Variants in BLOC1S5 observed in about 807,000 individuals in gnomAD.
BLOC1S5 encodes the protein biogenesis of lysosome-related organelles complex 1 subunit 5.
BLOC1S5 carries 27 observed loss-of-function variants against 24.3 expected under a neutral mutation model. The observed-to-expected ratio is 1.11, with a 90% confidence interval of 0.82 to 1.53. BLOC1S5 has a LOEUF of 1.53. BLOC1S5 is among the 40% of genes most tolerant of loss of function. The pLI, the probability that BLOC1S5 is intolerant of heterozygous loss-of-function variation, is 0.00. For missense variants in BLOC1S5, 239 were observed against 229.4 expected (o/e 1.04, Z -0.27); for synonymous variants, 84 against 74.5 (o/e 1.13, Z -0.66).
chr6:8,043,109 C>T (rs930719274), intron 2 of BLOC1S5, among the ~76,000 whole-genome samples: 4 of 152,180 alleles, frequency 2.6e-5, no homozygotes, highest in Non-Finnish European at 5.9e-5. Context: ...CCTGTGAGTT[C>T]TTCTAGTGAA....
intron 3 of BLOC1S5, among the ~76,000 whole-genome samples, chr6:8,032,566 C>G (rs1398724007): frequency 6.6e-6 from 1 of 152,128 alleles, no homozygotes; most frequent in East Asian, 1.9e-4. Context: ...AAAACGGGCA[C>G]AAGACAAGGA....
At chr6:8,047,996 G>A (rs890075994) in intron 2 of BLOC1S5, among the ~76,000 whole-genome samples, 3 of 152,136 alleles carry the variant, frequency 2.0e-5, no homozygotes, top group African/African-American at 4.8e-5. Flanking sequence ...TAATGAGTTG[G>A]CTCCCTAGTA....
At chr6:8,029,905 A>C (rs1581404039) in intron 3 of BLOC1S5, among the ~76,000 whole-genome samples, 1 of 152,344 alleles carries the variant, frequency 6.6e-6, no homozygotes, top group Non-Finnish European at 1.5e-5. Flanking sequence ...AAACAGAAAC[A>C]AGACAGAGGA....
chr6:8,024,690 T>C (rs1452324833), intron 4 of BLOC1S5, among the ~76,000 whole-genome samples: 1 of 152,108 alleles, frequency 6.6e-6, no homozygotes, highest in Non-Finnish European at 1.5e-5. Flanking sequence ...AGCAGGGATC[T>C]TACCCACACG....
At chr6:8,025,746 A>T (rs966193021) in intron 4 of BLOC1S5, among the ~76,000 whole-genome samples, 7 of 152,182 alleles carry the variant, frequency 4.6e-5, no homozygotes, top group African/African-American at 1.4e-4. Flanking sequence ...TCAGTGACTT[A>T]GTCTTTTCAA....
intron 3 of BLOC1S5, among the ~76,000 whole-genome samples, chr6:8,033,087 A>G (rs575487489): frequency 1.8e-3 from 275 of 152,334 alleles, no homozygotes; most frequent in African/African-American, 5.6e-3. Flanking sequence ...TATCACCATT[A>G]AGCTACCAAT....
chr6:8,045,127 G>A (rs1209432428), intron 2 of BLOC1S5, among the ~76,000 whole-genome samples: 1 of 152,214 alleles, frequency 6.6e-6, no homozygotes, highest in Admixed American at 6.5e-5. Flanking sequence ...TGGCCTCCAT[G>A]CTGTGTGCAG....
At chr6:8,044,623 G>A (rs1763813253) in intron 2 of BLOC1S5, among the ~76,000 whole-genome samples, 3 of 152,170 alleles carry the variant, frequency 2.0e-5, no homozygotes, top group Admixed American at 6.5e-5. Context: ...AAATGCTGAT[G>A]GTGATATGAA....
intron 4 of BLOC1S5, among the ~76,000 whole-genome samples, chr6:8,020,843 T>C (rs2113515092): frequency 6.6e-6 from 1 of 152,288 alleles, no homozygotes; most frequent in Admixed American, 6.5e-5. Context: ...TTAAAGAAGA[T>C]GAAAACCTTG....
At chr6:8,057,665 A>C (rs1462231357) in intron 2 of BLOC1S5, among the ~76,000 whole-genome samples, 3 of 152,252 alleles carry the variant, frequency 2.0e-5, no homozygotes, top group Non-Finnish European at 4.4e-5. Flanking sequence ...TCTAACCAAA[A>C]ACAAGGAATC....
chr6:8,034,294 C>A (rs1267913233), intron 3 of BLOC1S5, among the ~76,000 whole-genome samples: 2 of 152,182 alleles, frequency 1.3e-5, no homozygotes, highest in African/African-American at 4.8e-5. Flanking sequence ...GAATACTATG[C>A]AGCCATAAAA....
intron 3 of BLOC1S5, among the ~76,000 whole-genome samples, chr6:8,040,047 G>A (rs1763625153): frequency 6.6e-6 from 1 of 152,132 alleles, no homozygotes; most frequent in South Asian, 2.1e-4. Context: ...GTTGTAGGAG[G>A]CAATCCAAGA....
At position 8,022,579 on chromosome 6, in the gene BLOC1S5, C is replaced by CTTTTTTTT. The variant is rs756972606; in HGVS notation, c.384+3780_384+3787dup. ...TATTTTCAAACTCTATTTTTTTTTT[C>CTTTTTTTT]TTTTTTTTTTTTCTTTTTTTTTTGA... is the stretch of plus-strand genomic sequence containing the variant. On this transcript the variant is annotated intron_variant, in intron 4 of 4. Transcript: ENST00000397457. Among the ~76,000 whole-genome samples, 151 of 74,274 alleles carry CTTTTTTTT rather than the reference C, an allele frequency of 2.0e-3. 20 individuals are homozygous for CTTTTTTTT. Among genetic ancestry groups the CTTTTTTTT allele is most frequent in the East Asian group, 6.2e-3 (14 of 2,274 alleles). 48.7% of individuals were successfully genotyped at this position (74,274 alleles called of 152,430 possible).
At position 8,064,288 on chromosome 6, in the gene BLOC1S5, C is replaced by T. The variant is rs754557229; in HGVS notation, c.89G>A (p.Gly30Asp). The stretch of plus-strand genomic sequence containing the variant: ...ACCCTTGATAATGAGGTGCGCTGAG[C>T]CCGCAGTCCCCAGGGAGTCCCTCTT... ...SKKRDSLGTA[G>D]SAHLIIKDLG... Residue 30 changes from glycine (G) to aspartate (D), a missense_variant, in exon 1 of 5, where the codon GGC (glycine) becomes GAC (aspartate). Physicochemically the swap from Gly to Asp is moderately conservative, Grantham distance 94 (BLOSUM62 -1). Coordinates refer to ENST00000397457, the MANE Select transcript of BLOC1S5 (RefSeq NM_201280.3). The T allele has an allele frequency of 6.8e-6, 11 of 1,613,752 alleles. No individual in the cohort carries two copies. Among genetic ancestry groups the T allele is most frequent in the East Asian group, 2.2e-5 (1 of 44,858 alleles).
At chr6:8,051,969 CTTTT>C (rs770301308) in intron 2 of BLOC1S5, among the ~76,000 whole-genome samples, 2 of 110,010 alleles carry the variant, frequency 1.8e-5, no homozygotes, top group Non-Finnish European at 3.6e-5. Context: ...ACATCCATGC[CTTTT>C]TTTTTTTTTT....
chr6:8,027,376 T>C (rs1331297610), intron 3 of BLOC1S5: 6 of 456,604 alleles, frequency 1.3e-5, no homozygotes, highest in Non-Finnish European at 2.6e-5. Context: ...GGTCCTCCTA[T>C]CTCTCAGCAA....
At chr6:8,033,934 A>T (rs934140493) in intron 3 of BLOC1S5, among the ~76,000 whole-genome samples, 1 of 152,214 alleles carries the variant, frequency 6.6e-6, no homozygotes, top group Non-Finnish European at 1.5e-5. Context: ...ATGAGATGCC[A>T]TCTCACACCA....
chr6:8,016,782 G>A (rs1762752006), intron 4 of BLOC1S5, among the ~76,000 whole-genome samples: 2 of 151,378 alleles, frequency 1.3e-5, no homozygotes, highest in South Asian at 2.1e-4. Context: ...TCGGGAAACT[G>A]AGGCGGAAGA....
intron 3 of BLOC1S5, among the ~76,000 whole-genome samples, chr6:8,028,842 T>C (rs961381635): frequency 6.6e-6 from 1 of 152,266 alleles, no homozygotes; most frequent in Admixed American, 6.5e-5. Context: ...TTTTGAACAA[T>C]TAGTGACACC....
Sources: allele counts gnomAD v4.1 joint callset (sites outside exome capture counted in the v4.1 genomes callset), GRCh38; gene constraint gnomAD v4.1.1; transcripts MANE v1.5; gene names NCBI Gene and HGNC (gene_info 2026-07-23, HGNC 2026-07-21).